The following FRYL variants were observed in gnomAD, a reference collection of about 807,000 sequenced individuals.
The protein encoded by FRYL is protein furry homolog-like.
Under a neutral mutation model 351.2 loss-of-function variants are expected in FRYL, and 150 were observed. The observed-to-expected ratio is 0.43, with a 90% CI of 0.37 to 0.49. The LOEUF is 0.49. Ranked by LOEUF, FRYL falls within the 20% of genes least tolerant of loss-of-function variation. The pLI, the probability that FRYL is intolerant of heterozygous loss-of-function variation, is 0.00. For missense variants in FRYL, 3,036 were observed against 3,619.3 expected (o/e 0.84, Z 4.13); for synonymous variants, 1,153 against 1,257.1 (o/e 0.92, Z 1.75).
At chr4:48,658,672 G>A (rs140995877) in intron 3 of FRYL, among the ~76,000 whole-genome samples, 67 of 151,502 alleles carry the variant, frequency 4.4e-4, no homozygotes, top group African/African-American at 1.4e-3. Flanking sequence ...GAGGATCAAC[G>A]GGGCCCAGGA....
At chr4:48,696,538 G>A (rs1766180839) in intron 2 of FRYL, among the ~76,000 whole-genome samples, 1 of 152,066 alleles carries the variant, frequency 6.6e-6, no homozygotes, top group African/African-American at 2.4e-5. Flanking sequence ...CAGGTGGGGG[G>A]CAAGGAGAGG....
chr4:48,772,734 G>GAAAT (rs1483015384), intron 1 of FRYL, among the ~76,000 whole-genome samples: 6 of 137,610 alleles, frequency 4.4e-5, no homozygotes, highest in African/African-American at 1.1e-4. Context: ...CTGAGAAGTG[G>GAAAT]AAATACTACA....
intron 25 of FRYL, among the ~76,000 whole-genome samples, chr4:48,573,913 C>T (rs1438513465): frequency 1.3e-5 from 2 of 152,058 alleles, no homozygotes. Flanking sequence ...TCATGATATT[C>T]GAACATAGGG....
At chr4:48,666,083 C>CA (rs1225880644) in intron 3 of FRYL, among the ~76,000 whole-genome samples, 1 of 152,180 alleles carries the variant, frequency 6.6e-6, no homozygotes, top group Non-Finnish European at 1.5e-5. Context: ...AGGACAAGGC[C>CA]AAGCACAGTG....
At chr4:48,514,989 T>C (rs1358127779) in intron 56 of FRYL, 39 bp downstream of exon 56, 2 of 1,558,628 alleles carry the variant, frequency 1.3e-6, no homozygotes, top group East Asian at 2.3e-5. Flanking sequence ...GGGGAGAGAT[T>C]ATCCCCTCAC....
At chr4:48,740,632 A>AAG (rs1256761194) in intron 1 of FRYL, among the ~76,000 whole-genome samples, 3 of 152,090 alleles carry the variant, frequency 2.0e-5, no homozygotes, top group African/African-American at 7.2e-5. Context: ...CACATCACCA[A>AAG]AGATATACAG....
intron 55 of FRYL, among the ~76,000 whole-genome samples, chr4:48,519,358 G>C (rs1341662149): frequency 6.6e-6 from 1 of 151,954 alleles, no homozygotes; most frequent in Non-Finnish European, 1.5e-5. Context: ...GTGTCCCTCT[G>C]CCTGGAATGT....
chr4:48,672,295 CA>C (rs1340570222), intron 3 of FRYL, among the ~76,000 whole-genome samples: 2 of 152,218 alleles, frequency 1.3e-5, no homozygotes, highest in African/African-American at 4.8e-5. Context: ...CTTCCTTTCT[CA>C]ACATTTCACT....
intron 1 of FRYL, among the ~76,000 whole-genome samples, chr4:48,728,370 C>A: frequency 6.6e-6 from 1 of 151,448 alleles, no homozygotes; most frequent in African/African-American, 2.4e-5. Context: ...GGACGAAACA[C>A]AAAACTCAAG....
intron 1 of FRYL, among the ~76,000 whole-genome samples, chr4:48,739,251 A>C (rs1315842108): frequency 6.6e-6 from 1 of 152,038 alleles, no homozygotes; most frequent in African/African-American, 2.4e-5. Flanking sequence ...AAATACAAAA[A>C]TCAGCAGGGC....
chr4:48,616,834 AT>A (rs1386155812), intron 7 of FRYL, among the ~76,000 whole-genome samples: 34 of 152,342 alleles, frequency 2.2e-4, no homozygotes, highest in Non-Finnish European at 4.4e-4. Flanking sequence ...ATATAGGTGT[AT>A]TATATGGGGC....
intron 59 of FRYL, among the ~76,000 whole-genome samples, chr4:48,507,778 C>G (rs900900938): frequency 6.6e-6 from 1 of 152,096 alleles, no homozygotes; most frequent in East Asian, 1.9e-4. Flanking sequence ...GAAAAGAGAA[C>G]TGCAGAGAAG....
At chr4:48,577,685 T>C (rs758911213) in intron 23 of FRYL, among the ~76,000 whole-genome samples, 23 of 152,098 alleles carry the variant, frequency 1.5e-4, no homozygotes, top group Non-Finnish European at 3.2e-4. Flanking sequence ...ATAAATGGTA[T>C]GCAAGGTGGC....
intron 3 of FRYL, among the ~76,000 whole-genome samples, chr4:48,658,331 A>T (rs564090784): frequency 6.6e-6 from 1 of 152,126 alleles, no homozygotes; most frequent in African/African-American, 2.4e-5. Context: ...GAAATTGGCA[A>T]TTTTTTCTAT....
chr4:48,687,867 T>C (rs1765307857), intron 2 of FRYL, among the ~76,000 whole-genome samples: 1 of 152,094 alleles, frequency 6.6e-6, no homozygotes, highest in Non-Finnish European at 1.5e-5. Context: ...GAGCTCAACA[T>C]AAGGAAAAAC....
chr4:48,583,540 C>T (rs1440103875), intron 19 of FRYL, among the ~76,000 whole-genome samples: 1 of 150,698 alleles, frequency 6.6e-6, no homozygotes, highest in Non-Finnish European at 1.5e-5. Flanking sequence ...CAATGCAACA[C>T]AATAATTATT....
chr4:48,557,933 G>A (rs546902470), intron 33 of FRYL, among the ~76,000 whole-genome samples: 53 of 152,270 alleles, frequency 3.5e-4, no homozygotes, highest in Non-Finnish European at 8.8e-5. Flanking sequence ...ACTTTTGGCA[G>A]TTAAAATAAA....
At chr4:48,608,193 A>T (rs762815337) in intron 9 of FRYL, among the ~76,000 whole-genome samples, 5 of 152,188 alleles carry the variant, frequency 3.3e-5, no homozygotes, top group East Asian at 1.9e-4. Flanking sequence ...TAAAAATTTT[A>T]AAAATATGCT....
chr4:48,682,258 T>G (rs748601020), intron 3 of FRYL, among the ~76,000 whole-genome samples: 1 of 152,030 alleles, frequency 6.6e-6, no homozygotes, highest in Non-Finnish European at 1.5e-5. Context: ...AAAAAATGGT[T>G]GAAAAAATTA....
Sources: allele counts gnomAD v4.1 joint callset (sites outside exome capture counted in the v4.1 genomes callset), GRCh38; gene constraint gnomAD v4.1.1; transcripts MANE v1.5; gene names NCBI Gene and HGNC (gene_info 2026-07-23, HGNC 2026-07-21).